The following C7 variants were observed in gnomAD, a reference collection of about 807,000 sequenced individuals.
C7 encodes the protein complement C7.
C7 carries 83 observed loss-of-function variants against 104.8 expected under a neutral mutation model. The observed-to-expected ratio is 0.79, with a 90% CI of 0.66 to 0.95. The LOEUF is 0.95. Among genes scored for constraint, C7 ranks in the 40% least tolerant of loss-of-function variants. The pLI is 0.00. For missense variants in C7, 1,070 were observed against 1,011.2 expected, an observed-to-expected ratio of 1.06 and a Z score of -0.79; for synonymous variants, 415 against 360.6, an observed-to-expected ratio of 1.15 and a Z score of -1.71.
At chr5:40,957,958 C>A in intron 10 of C7, 75 bp from the exon 11 acceptor site, 1 of 957,850 alleles carries the variant, frequency 1.0e-6, no homozygotes, top group Non-Finnish European at 1.5e-6. Flanking sequence ...TAATGAGAGT[C>A]GTGCCTAAAC....
At chr5:40,944,464 T>A (rs1415290730) in intron 6 of C7, among the ~76,000 whole-genome samples, 1 of 152,230 alleles carries the variant, frequency 6.6e-6, no homozygotes, top group Admixed American at 6.5e-5. Context: ...GGGTACGTGT[T>A]CACTTTTTCA....
chr5:40,973,620 TGTTAA>T (rs1314068922), intron 15 of C7, among the ~76,000 whole-genome samples: 17 of 152,248 alleles, frequency 1.1e-4, no homozygotes, highest in African/African-American at 1.9e-4. Flanking sequence ...CCTGATGTGC[TGTTAA>T]GTTATCAAAG....
intron 11 of C7, 48 bp from the exon 12 acceptor site, chr5:40,959,401 C>T (rs1188445003): frequency 1.3e-6 from 2 of 1,546,294 alleles, no homozygotes; most frequent in African/African-American, 2.7e-5. Context: ...ACTAAGTTCC[C>T]AAGCCCTCTT....
chr5:40,925,556 C>G (rs1739533593), intron 1 of C7, among the ~76,000 whole-genome samples: 1 of 152,178 alleles, frequency 6.6e-6, no homozygotes, highest in Admixed American at 6.6e-5. Flanking sequence ...TGCTTTCACA[C>G]TGTTAGGTAT....
intron 1 of C7, among the ~76,000 whole-genome samples, chr5:40,925,723 G>T (rs1409948989): frequency 1.3e-5 from 2 of 152,150 alleles, no homozygotes; most frequent in East Asian, 3.9e-4. Context: ...ATCAACATTT[G>T]CTCAGTTTCT....
At chr5:40,971,909 T>C (rs1206291176) in intron 14 of C7, 5 of 369,286 alleles carry the variant, frequency 1.4e-5, no homozygotes, top group East Asian at 1.5e-4. Flanking sequence ...ATTAGACCTA[T>C]GAATAATCAC....
chr5:40,980,722 C>T (rs768200344), intron 17 of C7, among the ~76,000 whole-genome samples: 1 of 152,204 alleles, frequency 6.6e-6, no homozygotes, highest in Non-Finnish European at 1.5e-5. Flanking sequence ...TCACTCTCTG[C>T]CCTCCTGGCC....
intron 14 of C7, among the ~76,000 whole-genome samples, chr5:40,965,694 T>G (rs1740532965): frequency 6.7e-6 from 1 of 149,844 alleles, no homozygotes; most frequent in Non-Finnish European, 1.5e-5. Context: ...AAGGCTGGAG[T>G]GCAGTGGTGC....
intron 12 of C7, among the ~76,000 whole-genome samples, chr5:40,961,625 A>G (rs1023698852): frequency 1.3e-5 from 2 of 152,148 alleles, no homozygotes; most frequent in South Asian, 2.1e-4. Context: ...ACCTCAGGCT[A>G]TCTGCCTGCC....
At position 40,951,188 on chromosome 5, in the gene C7, T is replaced by C. The variant is rs532650771; in HGVS notation, c.1093+1174T>C. Among the ~76,000 whole-genome samples the C allele has an allele frequency of 1.2e-4, 18 of 152,322 alleles. No homozygotes were observed. The South Asian group carries it at 3.7e-3, about 32-fold the overall frequency. On this transcript the variant is annotated intron_variant, in intron 9 of 17. Coordinates refer to ENST00000313164, the MANE Select transcript of C7 (RefSeq NM_000587.4). ...AGTTGCTGCTTTTGAGAAGTGTCCG[T>C]TCATGTCTTTTGTCCATTTTTAATG...
At chr5:40,942,985 A>G (rs917557128) in intron 6 of C7, among the ~76,000 whole-genome samples, 1 of 152,148 alleles carries the variant, frequency 6.6e-6, no homozygotes, top group African/African-American at 2.4e-5. Flanking sequence ...GATGGTCTCC[A>G]TCTCCTGACC....
At chr5:40,948,259 A>AC (rs397811712) in intron 8 of C7, among the ~76,000 whole-genome samples, 1 of 151,774 alleles carries the variant, frequency 6.6e-6, no homozygotes, top group Non-Finnish European at 1.5e-5. Context: ...TTTTAAAAAA[A>AC]TCCTCTCTGA....
At chr5:40,954,130 C>T (rs1435369018) in intron 9 of C7, among the ~76,000 whole-genome samples, 1 of 152,104 alleles carries the variant, frequency 6.6e-6, no homozygotes, top group Non-Finnish European at 1.5e-5. Context: ...TTTCAGAACA[C>T]TTTTCATGCG....
In C7 at chr5:40,979,728, T is replaced by C; in HGVS notation, c.2169T>C (p.Pro723=). The C allele has an allele frequency of 6.2e-7, 1 of 1,605,540 alleles. No individual in the cohort carries two copies. Among genetic ancestry groups the C allele is most frequent in the Non-Finnish European group, 8.5e-7 (1 of 1,175,816 alleles). ...TGTCATTAAAAATTCTTTTCAGACC[T>C]TCCTTGGATGTATGTGCTCAAGATG... ...CVCKMPYECG[P]SLDVCAQDER... is the part of the protein sequence containing the mutation. The change falls in exon 17 of 18, where the codon CCT becomes CCC. Residue 723 remains proline, a synonymous_variant. Transcript: ENST00000313164.
At chr5:40,910,977 C>A (rs1371858303) in intron 1 of C7, 1 of 151,970 alleles carries the variant, frequency 6.6e-6, no homozygotes, top group East Asian at 1.9e-4. Context: ...TAATATTTTA[C>A]TGCTGTAATA....
At chr5:40,972,775 A>C (rs1272262921) in intron 15 of C7, among the ~76,000 whole-genome samples, 181 bp downstream of exon 15, 4 of 152,234 alleles carry the variant, frequency 2.6e-5, no homozygotes, top group African/African-American at 9.6e-5. Context: ...AGAAAGACTC[A>C]TGAAAGCAAG....
At position 40,947,760 on chromosome 5, in the gene C7, C is replaced by A; in HGVS notation, c.897C>A (p.Tyr299Ter). Residue 299 changes from tyrosine to a stop codon, truncating the protein, a stop_gained, in exon 8 of 18, where the codon TAC (tyrosine) becomes TAA (stop). Coordinates refer to ENST00000313164, the MANE Select transcript of C7 (RefSeq NM_000587.4). LOFTEE classifies it high-confidence loss of function. Reference sequence around the variant, plus strand: ...CCTACCGAAGATTAATCGACCAGTACGGGACACATTATCTGCAATCTGGGT... The same window carrying A: ...CCTACCGAAGATTAATCGACCAGTAAGGGACACATTATCTGCAATCTGGGT... ...YSAYRRLIDQ[Y>*]GTHYLQSGSL... The A allele has an allele frequency of 6.2e-7, 1 of 1,613,600 alleles. No individual in the cohort carries two copies. The highest frequency in any genetic ancestry group is 8.5e-7 in the Non-Finnish European group (1 of 1,179,662).
chr5:40,927,506 A>G (rs1739580066), intron 1 of C7, among the ~76,000 whole-genome samples: 2 of 152,108 alleles, frequency 1.3e-5, no homozygotes, highest in Non-Finnish European at 2.9e-5. Flanking sequence ...AGAAGAAGCT[A>G]ATATCAAAAA....
intron 1 of C7, among the ~76,000 whole-genome samples, chr5:40,924,652 A>C (rs1437810663): frequency 1.3e-5 from 2 of 151,962 alleles, no homozygotes; most frequent in Non-Finnish European, 2.9e-5. Flanking sequence ...TTTCTCATAC[A>C]TCTGAAATCT....
Sources: allele counts gnomAD v4.1 joint callset (sites outside exome capture counted in the v4.1 genomes callset), GRCh38; gene constraint gnomAD v4.1.1; transcripts MANE v1.5; gene names NCBI Gene and HGNC (gene_info 2026-07-23, HGNC 2026-07-21).